The following IQCM variants were observed in gnomAD, a reference collection of about 807,000 sequenced individuals.
IQCM encodes IQ motif containing M, also known as IQ domain-containing protein M.
In IQCM, 45 loss-of-function variants were observed where a neutral mutation model predicts 57.6. The ratio of observed to expected loss-of-function variants is 0.78; its 90% CI spans 0.62 to 1.00. The LOEUF is 1.00. Ranked by LOEUF, IQCM falls within the 50% of genes least tolerant of loss-of-function variation. The pLI, the probability that IQCM is intolerant of heterozygous loss-of-function variation, is 0.00. For missense variants in IQCM, 468 were observed against 511.6 expected (o/e 0.91, Z 0.82); for synonymous variants, 148 against 158.9 (o/e 0.93, Z 0.51).
At chr4:149,696,931 G>A (rs760073423) in intron 5 of IQCM, among the ~76,000 whole-genome samples, 2 of 152,256 alleles carry the variant, frequency 1.3e-5, no homozygotes, top group Non-Finnish European at 1.5e-5. Flanking sequence ...CCAAACCAAG[G>A]TGGAGGAGGA....
chr4:149,746,235 CTCTG>C lies in IQCM; in HGVS notation c.-48-3500_-48-3497del, dbSNP rs1188129284. Among the ~76,000 whole-genome samples, 3 of 152,114 alleles carry C rather than the reference CTCTG, an allele frequency of 2.0e-5. No homozygotes were observed. The South Asian group carries it at 6.2e-4, about 32-fold the overall frequency. ...ATCATACTTTCACCCTTCCCCATTT[CTCTG>C]TCTTAGAAATTGTACCTATATCTAC... On this transcript the variant is annotated intron_variant, in intron 2 of 13. Transcript: ENST00000636793.
intron 2 of IQCM, among the ~76,000 whole-genome samples, chr4:149,745,583 C>G (rs1767852174): frequency 6.6e-6 from 1 of 152,180 alleles, no homozygotes; most frequent in South Asian, 2.1e-4. Context: ...CTAAGGATTT[C>G]TAATTCCATT....
intron 2 of IQCM, among the ~76,000 whole-genome samples, chr4:149,798,379 G>A (rs750857072): frequency 3.3e-5 from 5 of 151,904 alleles, no homozygotes; most frequent in Non-Finnish European, 7.4e-5. Flanking sequence ...ACTAAATTGT[G>A]TCACCAGAGA....
At chr4:149,364,759 C>G (rs555618240) in intron 13 of IQCM, among the ~76,000 whole-genome samples, 1 of 152,108 alleles carries the variant, frequency 6.6e-6, no homozygotes, top group South Asian at 2.1e-4. Flanking sequence ...AGAAGTCAGT[C>G]TGATTACCTA....
chr4:149,674,226 T>C (rs192666943), intron 7 of IQCM, among the ~76,000 whole-genome samples: 8 of 152,260 alleles, frequency 5.3e-5, no homozygotes, highest in Admixed American at 4.6e-4. Flanking sequence ...ATATTTATTC[T>C]AATAAATTAG....
At chr4:149,473,599 A>G (rs1579183014) in intron 12 of IQCM, among the ~76,000 whole-genome samples, 1 of 152,200 alleles carries the variant, frequency 6.6e-6, no homozygotes, top group South Asian at 2.1e-4. Flanking sequence ...TAGAAATACC[A>G]TTTGACCCAG....
At chr4:149,638,663 G>T (rs1031033419) in intron 7 of IQCM, among the ~76,000 whole-genome samples, 1 of 152,170 alleles carries the variant, frequency 6.6e-6, no homozygotes, top group Non-Finnish European at 1.5e-5. Context: ...CGTACTGTAG[G>T]ATTTCATATA....
chr4:149,694,130 T>C (rs1026967570), intron 5 of IQCM, among the ~76,000 whole-genome samples: 3 of 151,668 alleles, frequency 2.0e-5, no homozygotes, highest in Admixed American at 1.3e-4. Flanking sequence ...GTTATAAGAA[T>C]CAATAAATAA....
intron 13 of IQCM, among the ~76,000 whole-genome samples, chr4:149,413,866 T>A (rs1733562949): frequency 6.6e-6 from 1 of 152,178 alleles, no homozygotes; most frequent in African/African-American, 2.4e-5. Flanking sequence ...CATGTGAGAA[T>A]TTCTTACCTT....
At chr4:149,406,943 G>A (rs918984404) in intron 13 of IQCM, among the ~76,000 whole-genome samples, 3 of 151,530 alleles carry the variant, frequency 2.0e-5, no homozygotes, top group Admixed American at 6.6e-5. Flanking sequence ...CGAAAGGCAC[G>A]TTTTACATGG....
chr4:149,615,922 A>G (rs1457350574), intron 8 of IQCM, among the ~76,000 whole-genome samples: 1 of 152,134 alleles, frequency 6.6e-6, no homozygotes, highest in African/African-American at 2.4e-5. Flanking sequence ...ATGACTTACA[A>G]CTTCATATCC....
intron 12 of IQCM, among the ~76,000 whole-genome samples, chr4:149,519,307 T>G (rs1256268538): frequency 6.6e-6 from 1 of 152,224 alleles, no homozygotes; most frequent in Non-Finnish European, 1.5e-5. Context: ...TGCTTTTCTA[T>G]TAATCAGACC....
chr4:149,670,372 T>C (rs1326024087), intron 7 of IQCM, among the ~76,000 whole-genome samples: 2 of 152,150 alleles, frequency 1.3e-5, no homozygotes, highest in African/African-American at 4.8e-5. Flanking sequence ...TTAAGGAGAT[T>C]TTGGGCTGAG....
At chr4:149,694,001 T>A (rs1763129743) in intron 5 of IQCM, among the ~76,000 whole-genome samples, 1 of 152,170 alleles carries the variant, frequency 6.6e-6, no homozygotes, top group South Asian at 2.1e-4. Flanking sequence ...CCTTTACTAA[T>A]CTGTAAACTC....
chr4:149,613,416 G>A (rs143149635), intron 8 of IQCM, among the ~76,000 whole-genome samples: 17 of 152,024 alleles, frequency 1.1e-4, no homozygotes, highest in Admixed American at 3.9e-4. Context: ...AATCTCCTTC[G>A]ATTCTCCCCA....
intron 7 of IQCM, among the ~76,000 whole-genome samples, chr4:149,662,363 A>T (rs1020599820): frequency 3.9e-5 from 6 of 151,998 alleles, no homozygotes; most frequent in Non-Finnish European, 8.8e-5. Flanking sequence ...TTAACATATG[A>T]TCTATCCTGA....
At chr4:149,542,083 T>G (rs1747903535) in intron 12 of IQCM, among the ~76,000 whole-genome samples, 1 of 152,086 alleles carries the variant, frequency 6.6e-6, no homozygotes, top group South Asian at 2.1e-4. Flanking sequence ...CTTTTCATTA[T>G]TTTAGAATAT....
At chr4:149,705,594 G>C (rs1394617755) in intron 5 of IQCM, among the ~76,000 whole-genome samples, 2 of 151,648 alleles carry the variant, frequency 1.3e-5, no homozygotes, top group South Asian at 4.2e-4. Flanking sequence ...GATATCAATA[G>C]GCAAAAATTA....
chr4:149,386,410 C>G (rs1400392210), intron 13 of IQCM, among the ~76,000 whole-genome samples: 2 of 152,040 alleles, frequency 1.3e-5, no homozygotes, highest in African/African-American at 4.8e-5. Flanking sequence ...ATTTTGCATT[C>G]TAAATGTTTA....
Sources: gnomAD v4.1 joint callset for allele counts (sites outside exome capture counted in the v4.1 genomes callset) on GRCh38, gnomAD v4.1.1 for gene constraint, MANE v1.5 for transcripts, NCBI Gene and HGNC (gene_info 2026-07-23, HGNC 2026-07-21) for gene names.